VPS54: variants seen among roughly 807,000 people sequenced by gnomAD.
VPS54 encodes vacuolar protein sorting-associated protein 54.
VPS54 carries 45 observed loss-of-function variants against 121.5 expected under a neutral mutation model. That is an observed-to-expected ratio of 0.37 (90% CI 0.29 to 0.47). The LOEUF (loss-of-function observed/expected upper bound fraction) is 0.47, where lower values mean the gene tolerates loss of function less well. Ranked by LOEUF, VPS54 falls within the 20% of genes least tolerant of loss-of-function variation. The probability of loss-of-function intolerance (pLI) is 0.99; values close to 1 mark genes in which losing one functional copy is unlikely to be tolerated. For synonymous variants in VPS54, 371 were observed against 385.8 expected (o/e 0.96, Z 0.45); for missense variants, 1,090 against 1,131.4 (o/e 0.96, Z 0.52).
chr2:63,953,096 T>TCA (rs1324759073), intron 7 of VPS54, among the ~76,000 whole-genome samples: 2 of 151,034 alleles, frequency 1.3e-5, no homozygotes, highest in South Asian at 2.1e-4. Flanking sequence ...TTTTCTAATC[T>TCA]CACACACACA....
chr2:63,907,124 A>G (rs1672934247), intron 20 of VPS54, among the ~76,000 whole-genome samples: 2 of 152,212 alleles, frequency 1.3e-5, no homozygotes, highest in Admixed American at 6.5e-5. Context: ...TGCATTATAT[A>G]TAAATATCAA....
In VPS54 at chr2:64,019,125, T is replaced by C. The variant is rs1229147071; in HGVS notation, c.-208A>G. On this transcript the variant is annotated 5_prime_UTR_variant, in exon 1 of 23. Coordinates refer to ENST00000272322, the MANE Select transcript of VPS54 (RefSeq NM_016516.3). ...CGGCCCGGGGAGCACAGGGCCGCCC[T>C]CTCGAGCCCAGCTTCACTCAGGGGT... 1 of 150,556 alleles carries C rather than the reference T, an allele frequency of 6.6e-6. No individual in the cohort carries two copies. Among genetic ancestry groups the C allele is most frequent in the Non-Finnish European group, 1.5e-5 (1 of 67,552 alleles). The allele number at this position is 150,556 out of a possible 1,614,324, so 9.3% of individuals were successfully genotyped here. A position where few individuals can be genotyped will look rare whatever the true frequency, so the allele number is the denominator to read the frequency against.
At chr2:63,931,575 C>G (rs1198428438) in intron 12 of VPS54, among the ~76,000 whole-genome samples, 1 of 152,136 alleles carries the variant, frequency 6.6e-6, no homozygotes, top group Admixed American at 6.5e-5. Flanking sequence ...TGGGCAATAC[C>G]ATTCAGGACA....
intron 22 of VPS54, among the ~76,000 whole-genome samples, chr2:63,897,167 G>A (rs1254329279): frequency 6.6e-6 from 1 of 152,170 alleles, no homozygotes; most frequent in East Asian, 1.9e-4. Context: ...CACAGGTTAA[G>A]TGACATTCAC....
chr2:63,966,048 C>T, intron 5 of VPS54, 82 bp from the exon 6 acceptor site: 2 of 1,378,760 alleles, frequency 1.5e-6, no homozygotes, highest in Non-Finnish European at 2.0e-6. Context: ...GATCATTAAA[C>T]AAAATTAACG....
At position 63,962,236 on chromosome 2, in the gene VPS54, G is replaced by A. The variant is rs1675803477; in HGVS notation, c.832C>T (p.Leu278Phe). Residue 278 changes from leucine (L) to phenylalanine (F), a missense_variant, in exon 7 of 23, where the codon CTT becomes TTT. This residue lies in a region of VPS54 where 801 missense variants were observed against 757.0 expected (regional missense o/e 1.06). Coordinates refer to ENST00000272322, the MANE Select transcript of VPS54 (RefSeq NM_016516.3). Reference sequence around the variant, plus strand: ...ACTTTAACACAATTATTTCTGGTAAGTGCCAGTCTTAAAATGTGGAGTGAT... The same window carrying A: ...ACTTTAACACAATTATTTCTGGTAAATGCCAGTCTTAAAATGTGGAGTGAT... ...EGSLHILRLA[L>F]TRNNCVKVYN... 6.2e-7 allele frequency: 1 copy of A among 1,613,900 alleles called. No homozygotes were observed. Among genetic ancestry groups the A allele is most frequent in the Admixed American group, 1.7e-5 (1 of 59,998 alleles).
At chr2:63,976,161 G>A (rs971899856) in intron 3 of VPS54, among the ~76,000 whole-genome samples, 17 of 151,964 alleles carry the variant, frequency 1.1e-4, no homozygotes, top group African/African-American at 4.1e-4. Flanking sequence ...GGACAACATG[G>A]CAAAACCCCG....
chr2:63,912,240 A>C, intron 20 of VPS54, 105 bp downstream of exon 20: 2 of 1,101,772 alleles, frequency 1.8e-6, no homozygotes, highest in Non-Finnish European at 2.6e-6. Flanking sequence ...ATATCCTATG[A>C]AAGTTTAGAT....
At chr2:63,942,365 CTG>C (rs1293988716) in intron 11 of VPS54, 98 bp downstream of exon 11, 5 of 796,990 alleles carry the variant, frequency 6.3e-6, no homozygotes, top group African/African-American at 1.8e-5. Flanking sequence ...AACAAAGAAA[CTG>C]TGTTTTATTC....
At chr2:63,909,718 G>A (rs1292805141) in intron 20 of VPS54, among the ~76,000 whole-genome samples, 4 of 127,996 alleles carry the variant, frequency 3.1e-5, no homozygotes, top group East Asian at 2.3e-4. Flanking sequence ...TCGCCTGGCC[G>A]TTTTTGGTTT....
At position 63,944,060 on chromosome 2, in the gene VPS54, A is replaced by G. The variant is rs1010095754; in HGVS notation, c.1301+540T>C. Among the ~76,000 whole-genome samples the G allele has an allele frequency of 6.0e-5, 9 of 150,330 alleles. No individual in the cohort carries two copies. In the East Asian group the frequency reaches 1.7e-3, roughly 29 times the overall value. On this transcript the variant is annotated intron_variant, in intron 10 of 22. Transcript: ENST00000272322. ...AATAGGAATTTCTAGGGTGAAAACA[A>G]AAAAAAAATACAAACATGGGCAATT... is the stretch of plus-strand genomic sequence containing the variant.
rs371548391 is a variant in VPS54 at position 63,893,506 on chromosome 2, G to A, written c.2858C>T (p.Thr953Ile). The A allele has an allele frequency of 1.9e-6, 3 of 1,613,848 alleles. No homozygotes were observed. In the East Asian group the frequency reaches 6.7e-5, roughly 36 times the overall value. ...GLVTADVAFY[T>I]GNLQALKGLK... is the part of the protein sequence containing the mutation. ...GCCTTTTAAGGCTTGAAGATTTCCA[G>A]TGTAAAAAGCTACATCTGCTGTGAC... The change falls in exon 23 of 23, where the codon ACT (threonine) becomes ATT (isoleucine). Residue 953 changes from threonine to isoleucine, a missense_variant. Physicochemically the swap from Thr to Ile is moderately conservative, Grantham distance 89. Transcript: ENST00000272322.
At chr2:63,907,923 G>C (rs1672975628) in intron 20 of VPS54, among the ~76,000 whole-genome samples, 1 of 152,128 alleles carries the variant, frequency 6.6e-6, no homozygotes, top group African/African-American at 2.4e-5. Flanking sequence ...TGATGGTGAA[G>C]AGCACCTGGA....
intron 1 of VPS54, among the ~76,000 whole-genome samples, chr2:64,012,375 C>T (rs76518112): frequency 0.028 from 4,212 of 150,512 alleles, 185 homozygotes; most frequent in African/African-American, 0.098. Context: ...CCATTCCCCA[C>T]AATATGTGGA....
chr2:63,989,517 T>C (rs1383197089), intron 1 of VPS54, among the ~76,000 whole-genome samples: 2 of 152,162 alleles, frequency 1.3e-5, no homozygotes, highest in African/African-American at 4.8e-5. Context: ...AGAACCCACG[T>C]TGAAATATCG....
At chr2:63,961,993 C>A in intron 7 of VPS54, 65 bp downstream of exon 7, 1 of 1,439,344 alleles carries the variant, frequency 6.9e-7, no homozygotes, top group Non-Finnish European at 9.3e-7. Flanking sequence ...TTTAACATTA[C>A]ATGCTCAATT....
chr2:63,937,684 T>C (rs1674513488), intron 11 of VPS54, among the ~76,000 whole-genome samples: 1 of 152,154 alleles, frequency 6.6e-6, no homozygotes, highest in African/African-American at 2.4e-5. Context: ...AGAGAGATAT[T>C]TGCATATGCA....
chr2:63,978,361 A>G (rs1575982419), intron 3 of VPS54, among the ~76,000 whole-genome samples: 2 of 152,318 alleles, frequency 1.3e-5, no homozygotes, highest in South Asian at 4.1e-4. Context: ...CATACGGTAC[A>G]ATATTTAAGG....
chr2:63,961,196 T>G (rs936713940), intron 7 of VPS54, among the ~76,000 whole-genome samples: 5 of 152,238 alleles, frequency 3.3e-5, no homozygotes, highest in African/African-American at 1.2e-4. Context: ...TGACATGTAA[T>G]AGGTGCTCAA....
Sources: allele counts gnomAD v4.1 joint callset (sites outside exome capture counted in the v4.1 genomes callset), GRCh38; gene constraint gnomAD v4.1.1; regional missense constraint gnomAD v4.1.1; transcripts MANE v1.5; gene names NCBI Gene and HGNC (gene_info 2026-07-23, HGNC 2026-07-21).